Variants in AKT1 observed in about 807,000 individuals in gnomAD.
AKT1 encodes the protein RAC-alpha serine/threonine-protein kinase.
AKT1 carries 21 observed loss-of-function variants against 63.1 expected under a neutral mutation model. The ratio of observed to expected loss-of-function variants is 0.33; its 90% CI spans 0.24 to 0.48. The LOEUF (loss-of-function observed/expected upper bound fraction) is 0.48, where lower values mean the gene tolerates loss of function less well. AKT1 is among the 20% of genes least tolerant of loss of function. The pLI is 0.99. For missense variants in AKT1, 382 were observed against 666.0 expected, an observed-to-expected ratio of 0.57 and a Z score of 4.69; for synonymous variants, 257 against 253.1, an observed-to-expected ratio of 1.02 and a Z score of -0.15.
At position 104,773,107 on chromosome 14, in the gene AKT1, G is replaced by C; in HGVS notation, c.958-15C>G. The C allele has an allele frequency of 6.2e-7, 1 of 1,613,612 alleles. No individual in the cohort carries two copies. Among genetic ancestry groups the C allele is most frequent in the Non-Finnish European group, 8.5e-7 (1 of 1,179,744 alleles). On this transcript the variant is annotated splice_polypyrimidine_tract_variant and intron_variant, in intron 11 of 14. Transcript: ENST00000649815. ...TCCTCCAGCACCTGCACGGGTGGCA[G>C]ATGGGCAGGACTCGGCATCAAGGGG...
At chr14:104,777,694 G>C in intron 4 of AKT1, 1 of 985,910 alleles carries the variant, frequency 1.0e-6, no homozygotes, top group African/African-American at 1.7e-5. Flanking sequence ...GGCCCAGCCT[G>C]TGCAAAGCAG....
chr14:104,772,836 G>A (rs1469389090), intron 12 of AKT1, 42 bp downstream of exon 12: 20 of 1,571,344 alleles, frequency 1.3e-5, no homozygotes, highest in Non-Finnish European at 1.7e-5. Context: ...TGGGGATGAG[G>A]GGATGGAGGT....
intron 3 of AKT1, among the ~76,000 whole-genome samples, chr14:104,782,529 G>A (rs1452550519): frequency 2.6e-5 from 4 of 152,210 alleles, no homozygotes; most frequent in Admixed American, 6.5e-5. Flanking sequence ...GGGGGTGCGG[G>A]AGGGGCAGGC....
At chr14:104,787,846 G>A (rs1223400293) in intron 3 of AKT1, among the ~76,000 whole-genome samples, 1 of 152,218 alleles carries the variant, frequency 6.6e-6, no homozygotes, top group Non-Finnish European at 1.5e-5. Context: ...CAGGGCTGGG[G>A]CCAGCAGTGA....
rs28535133 is a variant in AKT1 at position 104,776,489 on chromosome 14, C to T, written c.287+170G>A. The stretch of plus-strand genomic sequence containing the variant: ...TCCAGCCTCAGTTTCCCCACCCAAA[C>T]CCCACAGGCAGGACTGGGCCAGTTT... On this transcript the variant is annotated intron_variant, in intron 5 of 14. Transcript: ENST00000649815. 71,232 of 566,276 alleles carry T rather than the reference C, an allele frequency of 0.13. 5,239 individuals carry two copies. Among genetic ancestry groups the T allele is most frequent in the Non-Finnish European group, 0.16 (50,427 of 324,412 alleles). The allele number at this position is 566,276 out of a possible 1,614,324, so 35.1% of individuals were successfully genotyped here. A position where few individuals can be genotyped will look rare whatever the true frequency, so the allele number is the denominator to read the frequency against.
intron 5 of AKT1, chr14:104,776,294 G>A: frequency 4.6e-6 from 1 of 217,364 alleles, no homozygotes; most frequent in Non-Finnish European, 9.3e-6. Context: ...TTACAGGTGT[G>A]CACCACCACA....
chr14:104,789,110 C>T (rs190917585), intron 3 of AKT1, among the ~76,000 whole-genome samples: 3 of 152,370 alleles, frequency 2.0e-5, no homozygotes. Flanking sequence ...AGGCCTGCAG[C>T]TCTTCCCCGG....
chr14:104,780,285 G>T, intron 3 of AKT1, 69 bp from the exon 4 acceptor site: 1 of 1,580,288 alleles, frequency 6.3e-7, no homozygotes, highest in Admixed American at 1.7e-5. Flanking sequence ...CAGCCAGGCA[G>T]GAACTGGGTG....
In AKT1 at chr14:104,769,878, A is replaced by C. The variant is rs1892278131; in HGVS notation, c.*463T>G. 2.6e-6 allele frequency: 1 copy of C among 389,164 alleles called. No individual in the cohort carries two copies. Among genetic ancestry groups the C allele is most frequent in the East Asian group, 5.0e-5 (1 of 20,048 alleles). The allele number at this position is 389,164 out of a possible 1,614,324, so 24.1% of individuals were successfully genotyped here. ...CCACCCCCAGGAGAGGGTGCTGGCC[A>C]GCATACCATAGTGAGGTTGCATCTG... On this transcript the variant is annotated 3_prime_UTR_variant, in exon 15 of 15. Transcript: ENST00000649815.
intron 3 of AKT1, 26 bp from the exon 4 acceptor site, chr14:104,780,242 C>G (rs1242725836): frequency 4.3e-6 from 7 of 1,610,950 alleles, no homozygotes; most frequent in Non-Finnish European, 5.9e-6. Context: ...TGGTGAGAGC[C>G]ACGCACACTC....
In AKT1 at chr14:104,777,031, C is replaced by T. The variant is rs61761184; in HGVS notation, c.176-261G>A. 2,598 of 460,028 alleles carry T rather than the reference C, an allele frequency of 5.6e-3. 47 individuals are homozygous for T. Among genetic ancestry groups the T allele is most frequent in the African/African-American group, 0.043 (2,175 of 50,364 alleles). 28.5% of individuals were successfully genotyped at this position (460,028 alleles called of 1,614,324 possible). A position where few individuals can be genotyped will look rare whatever the true frequency, so the allele number is the denominator to read the frequency against. ...CGGCGTCAGGTCAAACCCCCACCATCGTCCACTCCTACAGTCCTTCCTTCA... is the reference window on the plus strand; with the variant it reads ...CGGCGTCAGGTCAAACCCCCACCATTGTCCACTCCTACAGTCCTTCCTTCA... On this transcript the variant is annotated intron_variant, in intron 4 of 14. Coordinates refer to ENST00000649815, the MANE Select transcript of AKT1 (RefSeq NM_001382430.1).
chr14:104,790,281 G>C (rs892083333), intron 3 of AKT1, among the ~76,000 whole-genome samples: 1 of 152,222 alleles, frequency 6.6e-6, no homozygotes, highest in South Asian at 2.1e-4. Flanking sequence ...CAAGGCTGGG[G>C]GGGAGTGGAA....
At chr14:104,779,700 C>T (rs1892925786) in intron 4 of AKT1, among the ~76,000 whole-genome samples, 1 of 151,040 alleles carries the variant, frequency 6.6e-6, no homozygotes. Context: ...CGGGACTCAG[C>T]CCAGAGACCC....
At position 104,772,867 on chromosome 14, in the gene AKT1, G is replaced by T; in HGVS notation, c.1172+11C>A. The T allele has an allele frequency of 1.2e-6, 2 of 1,602,692 alleles. No homozygotes were observed. The highest frequency in any genetic ancestry group is 8.5e-7 in the Non-Finnish European group (1 of 1,177,330). ...GAGGTGTAGCCTGTAGCTGGGATGG[G>T]CGGCCCTCACCTCTGCTTGGGGTCC... On this transcript the variant is annotated intron_variant, in intron 12 of 14. Coordinates refer to ENST00000649815, the MANE Select transcript of AKT1 (RefSeq NM_001382430.1).
chr14:104,769,673 T>C lies in AKT1; in HGVS notation c.*668A>G. On this transcript the variant is annotated 3_prime_UTR_variant, in exon 15 of 15. Coordinates refer to ENST00000649815, the MANE Select transcript of AKT1 (RefSeq NM_001382430.1). Reference sequence around the variant, plus strand: ...GGGAGGGCTTTCCTGTCACAAAGATTAAAAACCCCCAAAATGCATTTGAAC... The same window carrying C: ...GGGAGGGCTTTCCTGTCACAAAGATCAAAAACCCCCAAAATGCATTTGAAC... 2.1e-6 allele frequency: 1 copy of C among 467,848 alleles called. No individual in the cohort carries two copies. Among genetic ancestry groups the C allele is most frequent in the Non-Finnish European group, 4.1e-6 (1 of 245,202 alleles). The allele number at this position is 467,848 out of a possible 1,614,324, so 29.0% of individuals were successfully genotyped here. A position where few individuals can be genotyped will look rare whatever the true frequency, so the allele number is the denominator to read the frequency against.
chr14:104,788,717 G>C (rs920922769), intron 3 of AKT1, among the ~76,000 whole-genome samples: 22 of 152,308 alleles, frequency 1.4e-4, no homozygotes, highest in Admixed American at 1.4e-3. Context: ...GCGGGGAGAG[G>C]GGGTGGGAAG....
At chr14:104,787,125 A>G (rs1484508036) in intron 3 of AKT1, among the ~76,000 whole-genome samples, 1 of 152,180 alleles carries the variant, frequency 6.6e-6, no homozygotes, top group Non-Finnish European at 1.5e-5. Flanking sequence ...CATTGGCAGC[A>G]GAGTCACCCA....
chr14:104,785,244 C>T (rs1009157635), intron 3 of AKT1, among the ~76,000 whole-genome samples: 2 of 152,162 alleles, frequency 1.3e-5, no homozygotes, highest in Non-Finnish European at 2.9e-5. Context: ...CAGCTCACCG[C>T]GAAGGGCCCG....
At chr14:104,785,614 C>T (rs57250405) in intron 3 of AKT1, among the ~76,000 whole-genome samples, 2,177 of 152,288 alleles carry the variant, frequency 0.014, 44 homozygotes, top group African/African-American at 0.038. Context: ...CCATCAGCTC[C>T]CTGGGAAAAC....
Sources: gnomAD v4.1 joint callset for allele counts (sites outside exome capture counted in the v4.1 genomes callset) on GRCh38, gnomAD v4.1.1 for gene constraint, MANE v1.5 for transcripts, NCBI Gene and HGNC (gene_info 2026-07-23, HGNC 2026-07-21) for gene names.